The following CD200R1 variants were observed in gnomAD, a reference collection of about 807,000 sequenced individuals.
CD200R1 encodes cell surface glycoprotein CD200 receptor 1.
A neutral mutation model predicts 38.1 loss-of-function variants in CD200R1; 30 were observed. That is an observed-to-expected ratio of 0.79 (90% CI 0.59 to 1.07). CD200R1 has a LOEUF of 1.07. Ranked by LOEUF, CD200R1 falls within the 50% of genes least tolerant of loss-of-function variation. The pLI, the probability that CD200R1 is intolerant of heterozygous loss-of-function variation, is 0.00. For missense variants in CD200R1, 372 were observed against 415.4 expected (o/e 0.90, Z 0.91); for synonymous variants, 128 against 152.1 (o/e 0.84, Z 1.16).
chr3:112,952,834 T>C (rs1294868975), intron 1 of CD200R1, among the ~76,000 whole-genome samples: 1 of 152,024 alleles, frequency 6.6e-6, no homozygotes, highest in Non-Finnish European at 1.5e-5. Context: ...AGTCTTTGAG[T>C]TTCCCATATA....
intron 3 of CD200R1, among the ~76,000 whole-genome samples, chr3:112,930,447 A>G (rs1170382891): frequency 6.6e-6 from 1 of 152,228 alleles, no homozygotes; most frequent in East Asian, 1.9e-4. Flanking sequence ...TAAAGGCGTA[A>G]GTTGATCCCT....
chr3:112,963,999 G>A (rs1933089839), intron 1 of CD200R1, among the ~76,000 whole-genome samples: 1 of 152,188 alleles, frequency 6.6e-6, no homozygotes, highest in South Asian at 2.1e-4. Context: ...CTCAGGCCAT[G>A]GCTTCAGAGG....
chr3:112,947,122 G>A (rs780323135), intron 2 of CD200R1, among the ~76,000 whole-genome samples: 2 of 152,058 alleles, frequency 1.3e-5, no homozygotes, highest in South Asian at 2.1e-4. Context: ...TGGGGTTAGT[G>A]GGCAGGGAAG....
chr3:112,929,453 G>A lies in CD200R1; in HGVS notation c.257C>T (p.Pro86Leu). ...MATNAVLCCP[P>L]IALRNLIIIT... ...TATGATCAAATTTCTTAATGCGATA[G>A]GAGGGCAACAAAGCACAGCATTTGT... The change falls in exon 4 of 8, where the codon CCT becomes CTT. Residue 86 changes from proline to leucine, a missense_variant. Transcript: ENST00000308611. 1.2e-6 allele frequency: 2 copies of A among 1,613,900 alleles called. No homozygotes were observed. The highest frequency in any genetic ancestry group is 8.5e-7 in the Non-Finnish European group (1 of 1,179,840).
At chr3:112,954,075 T>C (rs1941032315) in intron 1 of CD200R1, among the ~76,000 whole-genome samples, 1 of 152,184 alleles carries the variant, frequency 6.6e-6, no homozygotes, top group South Asian at 2.1e-4. Flanking sequence ...GCTATAAATC[T>C]TCCTCTTATA....
chr3:112,968,367 A>G (rs2107347379), intron 1 of CD200R1, among the ~76,000 whole-genome samples: 1 of 152,362 alleles, frequency 6.6e-6, no homozygotes, highest in South Asian at 2.1e-4. Flanking sequence ...TGTATATTTG[A>G]AGAAAGTTTC....
In CD200R1 at chr3:112,929,309, G is replaced by A; in HGVS notation, c.401C>T (p.Pro134Leu). ...TDERITWVSR[P>L]DQNSDLQIRT... ...AATCTGAAGGTCCGAATTCTGATCA[G>A]GTCTGGAGACCCAGGTTATTCTCTC... The change falls in exon 4 of 8, where the codon CCT (proline) becomes CTT (leucine). Residue 134 changes from proline to leucine, a missense_variant. Physicochemically the swap from Pro to Leu is moderately conservative, Grantham distance 98. Transcript: ENST00000308611. 1 of 1,614,176 alleles carries A rather than the reference G, an allele frequency of 6.2e-7. No individual in the cohort carries two copies. The highest frequency in any genetic ancestry group is 8.5e-7 in the Non-Finnish European group (1 of 1,180,034).
chr3:112,951,833 C>A (rs74887268), intron 1 of CD200R1, among the ~76,000 whole-genome samples: 1 of 150,262 alleles, frequency 6.7e-6, no homozygotes, highest in South Asian at 2.1e-4. Context: ...TGTGTAAGAC[C>A]TGTATACTGA....
chr3:112,935,630 T>C (rs898508936), intron 2 of CD200R1, among the ~76,000 whole-genome samples: 3 of 152,144 alleles, frequency 2.0e-5, no homozygotes, highest in African/African-American at 7.2e-5. Context: ...ATCAAAAAAG[T>C]AGTAATATTT....
intron 1 of CD200R1, among the ~76,000 whole-genome samples, chr3:112,967,122 CTCATA>C (rs894155066): frequency 2.6e-5 from 4 of 152,130 alleles, no homozygotes; most frequent in African/African-American, 9.7e-5. Context: ...ACTGCCTCCT[CTCATA>C]TATTTTCTAC....
chr3:112,944,546 C>G (rs1033466598), intron 2 of CD200R1, among the ~76,000 whole-genome samples: 15 of 151,982 alleles, frequency 9.9e-5, no homozygotes, highest in Admixed American at 9.8e-4. Flanking sequence ...GGTGAGAAAG[C>G]AAAGCATCAG....
chr3:112,953,577 G>A (rs1941018000), intron 1 of CD200R1, among the ~76,000 whole-genome samples: 1 of 152,078 alleles, frequency 6.6e-6, no homozygotes, highest in Admixed American at 6.6e-5. Flanking sequence ...AACAGCTGCT[G>A]GACTTCTCTG....
chr3:112,934,304 T>G (rs562972395), intron 2 of CD200R1, among the ~76,000 whole-genome samples: 6 of 152,088 alleles, frequency 3.9e-5, no homozygotes, highest in South Asian at 2.1e-4. Flanking sequence ...TCAGAAACCT[T>G]ATGGGCCAAG....
rs1559945591 is a variant in CD200R1, at chr3:112,931,131, C to T, written c.177G>A (p.Gln59=). 2.5e-6 allele frequency: 4 copies of T among 1,610,572 alleles called. No individual in the cohort carries two copies. The highest frequency in any genetic ancestry group is 1.7e-4 in the Middle Eastern group (1 of 6,056). ...SLCMDEKQIT[Q]NYSKVLAEVN... ...CTTCTGCGAGTACTTTCGAGTAGTT[C>T]TGTGTAATCTGTTTTTCATCCATAC... Residue 59 remains glutamine, a synonymous_variant, in exon 3 of 8, where the codon CAG becomes CAA. Transcript: ENST00000308611.
chr3:112,946,917 G>T (rs1218164306), intron 2 of CD200R1, among the ~76,000 whole-genome samples: 1 of 150,798 alleles, frequency 6.6e-6, no homozygotes, highest in Non-Finnish European at 1.5e-5. Flanking sequence ...AATAAACTGT[G>T]GTATAGTCAA....
intron 5 of CD200R1, among the ~76,000 whole-genome samples, chr3:112,926,121 A>G (rs147167827): frequency 6.6e-6 from 1 of 152,252 alleles, no homozygotes; most frequent in Non-Finnish European, 1.5e-5. Flanking sequence ...GGGCATTGAA[A>G]CTGAAATGAA....
chr3:112,949,136 CA>C (rs1940924239), intron 1 of CD200R1, among the ~76,000 whole-genome samples: 1 of 152,120 alleles, frequency 6.6e-6, no homozygotes, highest in Admixed American at 6.5e-5. Flanking sequence ...TAAAAATTTA[CA>C]AGAGTTATAA....
Position 112,947,705 on chromosome 3 carries a change from T to C in CD200R1, c.136+151A>G, listed in dbSNP as rs2107324015. 2.7e-5 allele frequency: 14 copies of C among 518,810 alleles called. 1 individual carries two copies. The South Asian group carries it at 4.8e-4, about 18-fold the overall frequency. 32.1% of individuals were successfully genotyped at this position (518,810 alleles called of 1,614,324 possible). ...GGTACTAAATAAGCATAGAAATAAT[T>C]TCAGAATGAAAAATTTATTAACACT... On this transcript the variant is annotated intron_variant, in intron 2 of 7. Transcript: ENST00000308611.
chr3:112,964,335 C>A (rs1933101934), intron 1 of CD200R1, among the ~76,000 whole-genome samples: 1 of 152,164 alleles, frequency 6.6e-6, no homozygotes, highest in South Asian at 2.1e-4. Flanking sequence ...CTGTAAAGGT[C>A]ACAGACACTC....
Sources: allele counts gnomAD v4.1 joint callset (sites outside exome capture counted in the v4.1 genomes callset), GRCh38; gene constraint gnomAD v4.1.1; transcripts MANE v1.5; gene names NCBI Gene and HGNC (gene_info 2026-07-23, HGNC 2026-07-21).